Variants in UGT8 observed in about 807,000 individuals in gnomAD.
The protein encoded by UGT8 is UDP glycosyltransferase 8.
Under a neutral mutation model 40.5 loss-of-function variants are expected in UGT8, and 12 were observed. The observed-to-expected ratio is 0.30, with a 90% confidence interval of 0.19 to 0.48. The LOEUF (loss-of-function observed/expected upper bound fraction) is 0.48, where lower values mean the gene tolerates loss of function less well. UGT8 is among the 20% of genes least tolerant of loss of function. The probability of loss-of-function intolerance (pLI) is 0.99; values close to 1 mark genes in which losing one functional copy is unlikely to be tolerated. For missense variants in UGT8, 513 were observed against 648.7 expected (o/e 0.79, Z 2.27); for synonymous variants, 224 against 240.4 (o/e 0.93, Z 0.63).
intron 3 of UGT8, 94 bp downstream of exon 3, chr4:114,664,231 C>T: frequency 2.9e-6 from 4 of 1,386,802 alleles, no homozygotes; most frequent in South Asian, 1.3e-5. Context: ...ACATTGTTTC[C>T]CTGACAAGAT....
At chr4:114,653,632 G>A (rs916836376) in intron 2 of UGT8, among the ~76,000 whole-genome samples, 3 of 152,008 alleles carry the variant, frequency 2.0e-5, no homozygotes, top group African/African-American at 7.2e-5. Context: ...GGAAATGTTG[G>A]TGTGCAACCT....
chr4:114,607,728 A>G (rs75227022), intron 1 of UGT8, among the ~76,000 whole-genome samples: 3,175 of 152,146 alleles, frequency 0.021, 58 homozygotes, highest in Non-Finnish European at 0.031. Flanking sequence ...GTGTTGTGGA[A>G]TTCACTTTTT....
At chr4:114,675,847 C>G in intron 5 of UGT8, 78 bp from the exon 6 acceptor site, 1 of 1,488,968 alleles carries the variant, frequency 6.7e-7, no homozygotes, top group Non-Finnish European at 8.9e-7. Flanking sequence ...ATTATTTCCC[C>G]TTTTTAAATG....
chr4:114,610,213 A>G (rs186940728), intron 1 of UGT8, among the ~76,000 whole-genome samples: 14 of 152,288 alleles, frequency 9.2e-5, no homozygotes, highest in East Asian at 3.9e-4. Context: ...CTGCCAGCGA[A>G]TAACTGAACT....
At chr4:114,619,111 A>T (rs1731615138) in intron 1 of UGT8, among the ~76,000 whole-genome samples, 1 of 152,116 alleles carries the variant, frequency 6.6e-6, no homozygotes, top group Admixed American at 6.5e-5. Flanking sequence ...CAATGAACAT[A>T]GGTATAATTT....
At chr4:114,671,405 A>G in intron 5 of UGT8, among the ~76,000 whole-genome samples, 1 of 152,256 alleles carries the variant, frequency 6.6e-6, no homozygotes, top group East Asian at 1.9e-4. Flanking sequence ...TGGAGGCATT[A>G]CGCTACCTGA....
chr4:114,634,907 C>T (rs924424740), intron 2 of UGT8, among the ~76,000 whole-genome samples: 1 of 152,022 alleles, frequency 6.6e-6, no homozygotes, highest in Non-Finnish European at 1.5e-5. Context: ...ATTCTTAAAT[C>T]GTTCTTATTT....
At chr4:114,656,791 C>T (rs1020223227) in intron 2 of UGT8, 2 of 523,608 alleles carry the variant, frequency 3.8e-6, no homozygotes, top group African/African-American at 3.9e-5. Context: ...AATATTGGTA[C>T]CTGATGAATC....
chr4:114,598,854 C>G lies in UGT8; in HGVS notation c.-123C>G, dbSNP rs547455744. The G allele has an allele frequency of 2.0e-5, 3 of 152,672 alleles. No individual in the cohort carries two copies. Among genetic ancestry groups the G allele is most frequent in the African/African-American group, 7.2e-5 (3 of 41,446 alleles). 9.5% of individuals were successfully genotyped at this position (152,672 alleles called of 1,614,324 possible). A position where few individuals can be genotyped will look rare whatever the true frequency, so the allele number is the denominator to read the frequency against. ...CGCTAACTCCGAAGCCTCCCTTACGCCCCCGAACCACCGAAGGCGGCGACA... is the reference window on the plus strand; with the variant it reads ...CGCTAACTCCGAAGCCTCCCTTACGGCCCCGAACCACCGAAGGCGGCGACA... On this transcript the variant is annotated 5_prime_UTR_variant, in exon 1 of 6. Transcript: ENST00000310836.
Position 114,612,397 on chromosome 4 carries a change from A to G in UGT8, c.-2-10482A>G, listed in dbSNP as rs556250284. On this transcript the variant is annotated intron_variant, in intron 1 of 5. Coordinates refer to ENST00000310836, the MANE Select transcript of UGT8 (RefSeq NM_001128174.3). The stretch of plus-strand genomic sequence containing the variant: ...CCAGAAATTCTGATTTGATTGAACT[A>G]CATTGTAGATGGCAGGTTTTCAGGC... 4.6e-5 allele frequency among the ~76,000 whole-genome samples: 7 copies of G among 152,256 alleles called. No homozygotes were observed. The East Asian group carries it at 1.2e-3, about 25-fold the overall frequency.
intron 2 of UGT8, among the ~76,000 whole-genome samples, chr4:114,661,550 C>T (rs1734537735): frequency 6.6e-6 from 1 of 152,130 alleles, no homozygotes; most frequent in Non-Finnish European, 1.5e-5. Flanking sequence ...ACTCCAGAAC[C>T]ACCTGCTTGT....
At chr4:114,615,919 T>C (rs981841032) in intron 1 of UGT8, among the ~76,000 whole-genome samples, 1 of 148,488 alleles carries the variant, frequency 6.7e-6, no homozygotes, top group Non-Finnish European at 1.5e-5. Context: ...ACAGCGGATA[T>C]TGGTGAACAG....
intron 2 of UGT8, among the ~76,000 whole-genome samples, chr4:114,634,658 C>A (rs552924709): frequency 2.6e-5 from 4 of 152,210 alleles, no homozygotes; most frequent in Non-Finnish European, 4.4e-5. Context: ...TAAACTTATA[C>A]TCTCCTTTAA....
intron 5 of UGT8, among the ~76,000 whole-genome samples, chr4:114,673,327 C>T (rs1234886407): frequency 1.3e-5 from 2 of 152,152 alleles, no homozygotes; most frequent in Non-Finnish European, 2.9e-5. Context: ...TCTGTGAGTT[C>T]TCCAATATTC....
chr4:114,638,483 T>A (rs1235734532), intron 2 of UGT8, among the ~76,000 whole-genome samples: 1 of 152,114 alleles, frequency 6.6e-6, no homozygotes, highest in Non-Finnish European at 1.5e-5. Context: ...CTAAAGCTCA[T>A]TAACAGACGA....
chr4:114,611,492 T>C (rs948439882), intron 1 of UGT8, among the ~76,000 whole-genome samples: 11 of 139,124 alleles, frequency 7.9e-5, no homozygotes, highest in Non-Finnish European at 1.5e-4. Context: ...CTATATTATA[T>C]ATTAGATATC....
At chr4:114,607,787 A>G (rs1333344052) in intron 1 of UGT8, among the ~76,000 whole-genome samples, 1 of 151,988 alleles carries the variant, frequency 6.6e-6, no homozygotes, top group Non-Finnish European at 1.5e-5. Flanking sequence ...GTCCTTCATG[A>G]AGACCTTCTT....
chr4:114,660,958 A>G (rs185141044), intron 2 of UGT8, among the ~76,000 whole-genome samples: 28 of 151,580 alleles, frequency 1.8e-4, no homozygotes, highest in Admixed American at 1.6e-3. Flanking sequence ...CTACTAGCGG[A>G]GGGATAGAAC....
At chr4:114,659,511 C>G (rs2126128715) in intron 2 of UGT8, among the ~76,000 whole-genome samples, 1 of 152,234 alleles carries the variant, frequency 6.6e-6, no homozygotes, top group East Asian at 1.9e-4. Context: ...AGTTTTTCCC[C>G]TATACCCATA....
Sources: gnomAD v4.1 joint callset for allele counts (sites outside exome capture counted in the v4.1 genomes callset) on GRCh38, gnomAD v4.1.1 for gene constraint, MANE v1.5 for transcripts, NCBI Gene and HGNC (gene_info 2026-07-23, HGNC 2026-07-21) for gene names.